GPR180: variants seen among roughly 807,000 people sequenced by gnomAD.
GPR180 encodes the protein integral membrane protein GPR180.
Under a neutral mutation model 52.6 loss-of-function variants are expected in GPR180, and 53 were observed. The observed-to-expected ratio is 1.01, with a 90% CI of 0.81 to 1.27. The LOEUF is 1.27. GPR180 is among the 50% of genes most tolerant of loss of function. The pLI, the probability that GPR180 is intolerant of heterozygous loss-of-function variation, is 0.00. For missense variants in GPR180, 533 were observed against 527.0 expected, an observed-to-expected ratio of 1.01 and a Z score of -0.11; for synonymous variants, 200 against 193.1, an observed-to-expected ratio of 1.04 and a Z score of -0.30.
At position 94,601,990 on chromosome 13, in the gene GPR180, G is replaced by A. The variant is rs771951267; in HGVS notation, c.63G>A (p.Gln21=). The A allele has an allele frequency of 2.7e-6, 4 of 1,489,214 alleles. No homozygotes were observed. The South Asian group carries it at 5.1e-5, about 19-fold the overall frequency. 92.3% of individuals were successfully genotyped at this position (1,489,214 alleles called of 1,614,324 possible). The change falls in exon 1 of 9, where the codon CAG becomes CAA. Residue 21 remains glutamine (Q), a synonymous_variant. Transcript: ENST00000376958. The part of the protein sequence containing the change: ...LTCCWWPQGS[Q]GKTLRGSFSS... ...GCTGCTGGTGGCCGCAGGGCAGCCA[G>A]GGTAAGACCCTGCGGGGCAGCTTCA... is the stretch of plus-strand genomic sequence containing the variant.
Position 94,628,480 on chromosome 13 carries a change from C to T in GPR180, c.*1309C>T, listed in dbSNP as rs1171736577. 1.3e-5 allele frequency: 2 copies of T among 151,992 alleles called. No homozygotes were observed. Among genetic ancestry groups the T allele is most frequent in the Admixed American group, 1.3e-4 (2 of 15,266 alleles). 9.4% of individuals were successfully genotyped at this position (151,992 alleles called of 1,614,324 possible). On this transcript the variant is annotated 3_prime_UTR_variant, in exon 9 of 9. Transcript: ENST00000376958. ...TTTAAGCAAGCAACAGTGCACTGAT[C>T]TGGTAGTTAAATTTTTTAATTAAAT...
intron 1 of GPR180, among the ~76,000 whole-genome samples, chr13:94,603,147 A>G (rs1451185546): frequency 6.6e-6 from 1 of 151,840 alleles, no homozygotes; most frequent in Non-Finnish European, 1.5e-5. Flanking sequence ...CAGTTTTTCA[A>G]AATCCAATGT....
At chr13:94,609,801 C>A (rs1889681240) in intron 2 of GPR180, among the ~76,000 whole-genome samples, 1 of 150,976 alleles carries the variant, frequency 6.6e-6, no homozygotes, top group Non-Finnish European at 1.5e-5. Flanking sequence ...TTATAGTAGC[C>A]AAAAAGCAAT....
At chr13:94,617,399 G>A (rs993266076) in intron 3 of GPR180, among the ~76,000 whole-genome samples, 12 of 152,014 alleles carry the variant, frequency 7.9e-5, no homozygotes, top group African/African-American at 2.4e-4. Flanking sequence ...GTCTTGTTCC[G>A]GTACTATAAT....
intron 3 of GPR180, among the ~76,000 whole-genome samples, chr13:94,617,347 T>C (rs1321971499): frequency 1.3e-5 from 2 of 152,224 alleles, no homozygotes; most frequent in South Asian, 4.1e-4. Flanking sequence ...GGAACTTTAC[T>C]GACCCACAGT....
At chr13:94,620,435 A>G (rs1350575473) in intron 5 of GPR180, among the ~76,000 whole-genome samples, 2 of 152,214 alleles carry the variant, frequency 1.3e-5, no homozygotes, top group East Asian at 3.8e-4. Flanking sequence ...GGTGGTTTTG[A>G]TACATCTTTT....
intron 7 of GPR180, among the ~76,000 whole-genome samples, chr13:94,624,069 C>A (rs961911477): frequency 6.6e-6 from 1 of 152,188 alleles, no homozygotes; most frequent in Non-Finnish European, 1.5e-5. Flanking sequence ...GCCAGCCTCA[C>A]CCCATCCACA....
intron 1 of GPR180, among the ~76,000 whole-genome samples, chr13:94,604,069 C>T (rs1889596086): frequency 6.6e-6 from 1 of 152,056 alleles, no homozygotes; most frequent in Non-Finnish European, 1.5e-5. Flanking sequence ...CGTGGTGGCT[C>T]ACACCTGTAA....
At chr13:94,605,597 C>A in intron 2 of GPR180, 48 bp downstream of exon 2, 2 of 1,512,890 alleles carry the variant, frequency 1.3e-6, no homozygotes, top group Non-Finnish European at 1.8e-6. Context: ...TTTTTTTCCT[C>A]CTAATGTTGA....
In GPR180 at chr13:94,628,229, T is replaced by TTGTG. The variant is rs141430176; in HGVS notation, c.*1069_*1072dup. 1.3e-5 allele frequency: 2 copies of TTGTG among 152,132 alleles called. No homozygotes were observed. The highest frequency in any genetic ancestry group is 2.9e-5 in the Non-Finnish European group (2 of 67,824). The allele number at this position is 152,132 out of a possible 1,614,324, so 9.4% of individuals were successfully genotyped here. ...AATCCTTTGTAATAAAGCCATACTT[T>TTGTG]TGTGTGTGTGTGTGATGCCCCAGTA... On this transcript the variant is annotated 3_prime_UTR_variant, in exon 9 of 9. Coordinates refer to ENST00000376958, the MANE Select transcript of GPR180 (RefSeq NM_180989.6).
At position 94,601,994 on chromosome 13, in the gene GPR180, A is replaced by T. The variant is rs1299268257; in HGVS notation, c.67A>T (p.Lys23Ter). 1.3e-6 allele frequency: 2 copies of T among 1,487,574 alleles called. No homozygotes were observed. Among genetic ancestry groups the T allele is most frequent in the Non-Finnish European group, 1.8e-6 (2 of 1,123,340 alleles). 92.1% of individuals were successfully genotyped at this position (1,487,574 alleles called of 1,614,324 possible). ...CCWWPQGSQGKTLRGSFSSTA... is the reference protein window; with the variant it reads ...CCWWPQGSQG Reference sequence around the variant, plus strand: ...CTGGTGGCCGCAGGGCAGCCAGGGTAAGACCCTGCGGGGCAGCTTCAGCAG... The same window carrying T: ...CTGGTGGCCGCAGGGCAGCCAGGGTTAGACCCTGCGGGGCAGCTTCAGCAG... Residue 23 changes from lysine (K) to a stop codon, truncating the protein, a stop_gained, in exon 1 of 9, where the codon AAG becomes TAG. Coordinates refer to ENST00000376958, the MANE Select transcript of GPR180 (RefSeq NM_180989.6). LOFTEE classifies it high-confidence loss of function.
chr13:94,626,189 C>A, intron 8 of GPR180, 146 bp downstream of exon 8: 1 of 489,284 alleles, frequency 2.0e-6, no homozygotes, highest in Non-Finnish European at 3.6e-6. Context: ...AACCAATAAG[C>A]AGATAAATTT....
At position 94,623,065 on chromosome 13, in the gene GPR180, G is replaced by A; in HGVS notation, c.895-44G>A. ...GAGTTGAAAAAAATATTGTAATGAG[G>A]TATATTTTTTTTTCCTAAATGTAAT... On this transcript the variant is annotated intron_variant, in intron 6 of 8. Transcript: ENST00000376958. 4 of 1,378,912 alleles carry A rather than the reference G, an allele frequency of 2.9e-6. No individual in the cohort carries two copies. The South Asian group carries it at 5.0e-5, about 17-fold the overall frequency. The allele number at this position is 1,378,912 out of a possible 1,614,324, so 85.4% of individuals were successfully genotyped here.
chr13:94,604,846 A>G (rs1256992580), intron 1 of GPR180, among the ~76,000 whole-genome samples: 1 of 151,924 alleles, frequency 6.6e-6, no homozygotes, highest in East Asian at 1.9e-4. Flanking sequence ...AAGTGCTGGG[A>G]TTACGGGTGT....
Position 94,623,109 on chromosome 13 carries a change from A to T in GPR180, c.895A>T (p.Ser299Cys). 1 of 1,599,956 alleles carries T rather than the reference A, an allele frequency of 6.3e-7. No individual in the cohort carries two copies. Among genetic ancestry groups the T allele is most frequent in the Non-Finnish European group, 8.5e-7 (1 of 1,172,444 alleles). Reference protein sequence around the residue: ...GIAVFIVMTQSVLLLWEQFED... With the variant: ...GIAVFIVMTQCVLLLWEQFED... ...ATGTAATATTGTTTTTCTTTTGCAG[A>T]GTGTTTTGCTACTTTGGGAACAGTT... The change falls in exon 7 of 9, where the codon AGT (serine) becomes TGT (cysteine). Residue 299 changes from serine to cysteine, a missense_variant and splice_region_variant. Physicochemically the swap from Ser to Cys is moderately radical, Grantham distance 112 (BLOSUM62 -1). Coordinates refer to ENST00000376958, the MANE Select transcript of GPR180 (RefSeq NM_180989.6).
Position 94,623,295 on chromosome 13 carries a change from G to A in GPR180, c.1081G>A (p.Ala361Thr), listed in dbSNP as rs2138568617. ...CAAAAGGGAGTTCTACATCACATTT[G>A]CCAAAGTATGGGTTTGGAAAGAAAA... ...TLKREFYITF[A>T]KGCILWFLCH... The change falls in exon 7 of 9, where the codon GCC (alanine) becomes ACC (threonine). Residue 361 changes from alanine (A) to threonine (T), a missense_variant. Coordinates refer to ENST00000376958, the MANE Select transcript of GPR180 (RefSeq NM_180989.6). The A allele has an allele frequency of 6.2e-7, 1 of 1,609,800 alleles. No homozygotes were observed. The highest frequency in any genetic ancestry group is 2.2e-5 in the East Asian group (1 of 44,816).
At chr13:94,619,550 T>G (rs773068315) in intron 5 of GPR180, 33 bp downstream of exon 5, 2 of 1,550,176 alleles carry the variant, frequency 1.3e-6, no homozygotes, top group Admixed American at 3.5e-5. Flanking sequence ...TTTAAAAAGC[T>G]TTTACACTCG....
chr13:94,620,953 C>A, intron 5 of GPR180, 125 bp from the exon 6 acceptor site: 2 of 779,050 alleles, frequency 2.6e-6, no homozygotes, highest in Non-Finnish European at 4.0e-6. Flanking sequence ...ATTTCGTTAG[C>A]TTCTCTTTGA....
At position 94,611,564 on chromosome 13, in the gene GPR180, C is replaced by T. The variant is rs553830297; in HGVS notation, c.305-626C>T. Among the ~76,000 whole-genome samples, 186 of 152,200 alleles carry T rather than the reference C, an allele frequency of 1.2e-3. 1 individual carries two copies. Among genetic ancestry groups the T allele is most frequent in the African/African-American group, 3.9e-3 (163 of 41,524 alleles). On this transcript the variant is annotated intron_variant, in intron 2 of 8. Coordinates refer to ENST00000376958, the MANE Select transcript of GPR180 (RefSeq NM_180989.6). ...AATCAAAATTCAAAGTTTCAGCCGC[C>T]GAGACCAAGATGGTGGCGAGACTTG...
Sources: gnomAD v4.1 joint callset for allele counts (sites outside exome capture counted in the v4.1 genomes callset) on GRCh38, gnomAD v4.1.1 for gene constraint, MANE v1.5 for transcripts, NCBI Gene and HGNC (gene_info 2026-07-23, HGNC 2026-07-21) for gene names.